The following TEAD1 variants were observed in gnomAD, a reference collection of about 807,000 sequenced individuals.
TEAD1 encodes transcriptional enhancer factor TEF-1.
TEAD1 carries 9 observed loss-of-function variants against 54.9 expected under a neutral mutation model. That is an observed-to-expected ratio of 0.16 (90% CI 0.10 to 0.29). The LOEUF is 0.29. Ranked by LOEUF, TEAD1 falls within the 10% of genes least tolerant of loss-of-function variation. The pLI is 1.00. For synonymous variants in TEAD1, 200 were observed against 187.8 expected (o/e 1.07, Z -0.53); for missense variants, 387 against 535.9 (o/e 0.72, Z 2.74).
intron 2 of TEAD1, among the ~76,000 whole-genome samples, chr11:12,689,009 TTC>T (rs1378021979): frequency 6.7e-6 from 1 of 148,936 alleles, no homozygotes; most frequent in Non-Finnish European, 1.5e-5. Context: ...TTTGTTGTTT[TTC>T]TGTTTTTTTT....
At chr11:12,912,340 G>A (rs944015079) in intron 10 of TEAD1, among the ~76,000 whole-genome samples, 4 of 152,308 alleles carry the variant, frequency 2.6e-5, no homozygotes, top group South Asian at 4.1e-4. Flanking sequence ...GGCAGAAGTT[G>A]CTGTGGAAGC....
intron 2 of TEAD1, among the ~76,000 whole-genome samples, chr11:12,685,666 A>G (rs989909514): frequency 6.6e-6 from 1 of 152,250 alleles, no homozygotes; most frequent in Non-Finnish European, 1.5e-5. Flanking sequence ...TTTTTACTTT[A>G]GAAATAATCA....
intron 2 of TEAD1, among the ~76,000 whole-genome samples, chr11:12,694,552 T>G (rs184388640): frequency 1.5e-4 from 23 of 152,326 alleles, no homozygotes; most frequent in Admixed American, 8.5e-4. Context: ...TCGTATTTAT[T>G]TTTCTCCTTT....
At chr11:12,791,235 C>T (rs2133961662) in intron 3 of TEAD1, among the ~76,000 whole-genome samples, 1 of 152,264 alleles carries the variant, frequency 6.6e-6, no homozygotes, top group East Asian at 1.9e-4. Context: ...CAGATAACAG[C>T]CTAAGTTTGG....
intron 3 of TEAD1, among the ~76,000 whole-genome samples, chr11:12,820,350 C>T (rs1946518861): frequency 1.3e-5 from 2 of 149,732 alleles, no homozygotes; most frequent in African/African-American, 5.0e-5. Context: ...CACCCACCCA[C>T]AGTGGCATCC....
intron 2 of TEAD1, among the ~76,000 whole-genome samples, chr11:12,676,333 T>A (rs903654514): frequency 2.6e-5 from 4 of 152,166 alleles, no homozygotes; most frequent in African/African-American, 9.7e-5. Flanking sequence ...GACATATCCC[T>A]CCCTTCAGGG....
rs1408787791 is a variant in TEAD1 at position 12,930,165 on chromosome 11, TC to T, written c.1015-7del. Reference sequence around the variant, plus strand: ...GTGTAAAAATACTGAAATCCTTTTTTCCTCACAGACGGAGTATGCAAGGTTT... The same window carrying T: ...GTGTAAAAATACTGAAATCCTTTTTTCTCACAGACGGAGTATGCAAGGTTT... On this transcript the variant is annotated splice_region_variant and splice_polypyrimidine_tract_variant and intron_variant, in intron 11 of 12. Transcript: ENST00000527636. 3 of 1,614,198 alleles carry T rather than the reference TC, an allele frequency of 1.9e-6. No individual in the cohort carries two copies. Among genetic ancestry groups the T allele is most frequent in the East Asian group, 4.5e-5 (2 of 44,888 alleles).
intron 10 of TEAD1, among the ~76,000 whole-genome samples, chr11:12,914,825 C>T (rs1005494743): frequency 1.3e-5 from 2 of 152,248 alleles, no homozygotes; most frequent in Admixed American, 6.5e-5. Flanking sequence ...CCTGCCTGGC[C>T]GAGCCTTACC....
chr11:12,844,105 C>G (rs1947092940), intron 3 of TEAD1, among the ~76,000 whole-genome samples: 1 of 152,060 alleles, frequency 6.6e-6, no homozygotes, highest in African/African-American at 2.4e-5. Flanking sequence ...TATTCAGAAA[C>G]TTTTCTTTAT....
At chr11:12,697,079 G>A (rs1158978032) in intron 2 of TEAD1, among the ~76,000 whole-genome samples, 1 of 152,146 alleles carries the variant, frequency 6.6e-6, no homozygotes, top group Non-Finnish European at 1.5e-5. Context: ...TGGGGGCACT[G>A]AAGAGTTCTG....
chr11:12,735,022 G>A (rs1441256707), intron 2 of TEAD1, among the ~76,000 whole-genome samples: 1 of 152,190 alleles, frequency 6.6e-6, no homozygotes, highest in Non-Finnish European at 1.5e-5. Flanking sequence ...GTGTTACTAA[G>A]CTGTAATTAA....
At chr11:12,775,894 G>T (rs1051457848) in intron 3 of TEAD1, among the ~76,000 whole-genome samples, 1 of 152,032 alleles carries the variant, frequency 6.6e-6, no homozygotes, top group African/African-American at 2.4e-5. Context: ...ATTCATTAAA[G>T]AAAAATGTGG....
intron 3 of TEAD1, among the ~76,000 whole-genome samples, chr11:12,822,125 G>C (rs1472586590): frequency 6.6e-6 from 1 of 151,596 alleles, no homozygotes; most frequent in East Asian, 1.9e-4. Flanking sequence ...CACCATGCCC[G>C]GCTAATTTTT....
At chr11:12,776,118 G>A (rs1218649958) in intron 3 of TEAD1, among the ~76,000 whole-genome samples, 1 of 152,134 alleles carries the variant, frequency 6.6e-6, no homozygotes, top group Non-Finnish European at 1.5e-5. Flanking sequence ...GCAGTGCTAG[G>A]GCGGGGGAGG....
At chr11:12,884,133 AC>A (rs1166226291) in intron 9 of TEAD1, among the ~76,000 whole-genome samples, 1 of 150,358 alleles carries the variant, frequency 6.7e-6, no homozygotes, top group Non-Finnish European at 1.5e-5. Flanking sequence ...TACCTCCCCC[AC>A]CCCCATCTTG....
chr11:12,726,121 T>C (rs890766463), intron 2 of TEAD1, among the ~76,000 whole-genome samples: 1 of 152,160 alleles, frequency 6.6e-6, no homozygotes, highest in African/African-American at 2.4e-5. Flanking sequence ...TGAGCAGGAA[T>C]GAGCATGGCA....
intron 3 of TEAD1, among the ~76,000 whole-genome samples, chr11:12,826,174 A>G (rs971246062): frequency 3.3e-5 from 5 of 152,228 alleles, no homozygotes; most frequent in Admixed American, 6.5e-5. Context: ...AAGGTTTGCT[A>G]GCTCATTCAG....
intron 2 of TEAD1, among the ~76,000 whole-genome samples, chr11:12,759,590 C>T (rs1945060214): frequency 6.6e-6 from 1 of 152,114 alleles, no homozygotes; most frequent in East Asian, 1.9e-4. Flanking sequence ...CAGCTGGGCG[C>T]GGTGGCTCAC....
intron 9 of TEAD1, among the ~76,000 whole-genome samples, chr11:12,898,115 G>A (rs536460377): frequency 3.9e-4 from 60 of 152,192 alleles, no homozygotes; most frequent in African/African-American, 1.3e-3. Context: ...TGCTCACAGC[G>A]CCCAGTGGAC....
Sources: allele counts gnomAD v4.1 joint callset (sites outside exome capture counted in the v4.1 genomes callset), GRCh38; gene constraint gnomAD v4.1.1; transcripts MANE v1.5; gene names NCBI Gene and HGNC (gene_info 2026-07-23, HGNC 2026-07-21).